Variants in DGKI observed in about 807,000 individuals in gnomAD.
DGKI encodes the protein diacylglycerol kinase iota, also known as DAG kinase iota.
DGKI carries 55 observed loss-of-function variants against 147.5 expected under a neutral mutation model. The observed-to-expected ratio is 0.37, with a 90% confidence interval of 0.30 to 0.47. DGKI has a LOEUF of 0.47. DGKI is among the 20% of genes least tolerant of loss of function. DGKI has a pLI of 1.00. For missense variants in DGKI, 1,007 were observed against 1,323.8 expected, an observed-to-expected ratio of 0.76 and a Z score of 3.71; for synonymous variants, 469 against 477.1, an observed-to-expected ratio of 0.98 and a Z score of 0.22.
Position 137,654,930 on chromosome 7 carries a change from T to G in DGKI, c.682-142A>C, listed in dbSNP as rs532108934. The G allele has an allele frequency of 2.1e-5, 12 of 578,640 alleles. No individual in the cohort carries two copies. In the East Asian group the frequency reaches 3.5e-4, roughly 17 times the overall value. The allele number at this position is 578,640 out of a possible 1,614,324, so 35.8% of individuals were successfully genotyped here. ...GAACAAGGAATAATACTCTTCTTAG[T>G]CTTTTGAAATCATCACATTAGATAA... is the stretch of plus-strand genomic sequence containing the variant. On this transcript the variant is annotated intron_variant, in intron 4 of 32. Transcript: ENST00000614521.
intron 6 of DGKI, among the ~76,000 whole-genome samples, chr7:137,624,253 G>T (rs1166279637): frequency 6.6e-6 from 1 of 150,764 alleles, no homozygotes; most frequent in Non-Finnish European, 1.5e-5. Context: ...CCAGAGAGAA[G>T]TATGTAGTAT....
intron 1 of DGKI, among the ~76,000 whole-genome samples, chr7:137,788,732 C>T (rs138294335): frequency 7.2e-5 from 11 of 151,992 alleles, no homozygotes; most frequent in African/African-American, 2.7e-4. Flanking sequence ...CCAGAAAATG[C>T]CTATCTGGTA....
chr7:137,503,998 T>G lies in DGKI; in HGVS notation c.2249-16309A>C, dbSNP rs115685653. ...AGTCTCTAGAGTCTAAACTAAAGCA[T>G]GTAAATAAAAGAATCAACCAAACCT... On this transcript the variant is annotated intron_variant, in intron 21 of 32. Transcript: ENST00000614521. Among the ~76,000 whole-genome samples the G allele has an allele frequency of 6.4e-3, 976 of 152,190 alleles. 7 individuals are homozygous for G. Among genetic ancestry groups the G allele is most frequent in the African/African-American group, 0.022 (921 of 41,512 alleles).
rs115533979 is a variant in DGKI, at chr7:137,523,361, C to T, written c.2148-1395G>A. Reference sequence around the variant, plus strand: ...TCCATATGGAATCCCACTTTACTCACCCAAAATAGCACATACATATCAAAC... The same window carrying T: ...TCCATATGGAATCCCACTTTACTCATCCAAAATAGCACATACATATCAAAC... On this transcript the variant is annotated intron_variant, in intron 20 of 32. Coordinates refer to ENST00000614521, the MANE Select transcript of DGKI (RefSeq NM_001321708.2). Among the ~76,000 whole-genome samples the T allele has an allele frequency of 3.2e-3, 483 of 152,184 alleles. 3 individuals carry two copies. Among genetic ancestry groups the T allele is most frequent in the African/African-American group, 0.011 (466 of 41,528 alleles).
At chr7:137,617,228 T>C (rs1820566071) in intron 8 of DGKI, among the ~76,000 whole-genome samples, 1 of 151,504 alleles carries the variant, frequency 6.6e-6, no homozygotes, top group African/African-American at 2.4e-5. Flanking sequence ...GAGAAATAAT[T>C]TGGAAACATG....
chr7:137,463,082 C>A (rs34837511), intron 27 of DGKI, among the ~76,000 whole-genome samples: 11,151 of 152,172 alleles, frequency 0.073, 527 homozygotes, highest in African/African-American at 0.13. Context: ...CTGAGGACCA[C>A]TGAAACAGCA....
chr7:137,844,308 G>T (rs1290319031), intron 1 of DGKI, among the ~76,000 whole-genome samples: 1 of 152,196 alleles, frequency 6.6e-6, no homozygotes, highest in African/African-American at 2.4e-5. Context: ...TCTTTCCTCT[G>T]ACTTTGAGAC....
intron 1 of DGKI, among the ~76,000 whole-genome samples, chr7:137,698,537 G>T (rs1823871771): frequency 6.6e-6 from 1 of 152,132 alleles, no homozygotes; most frequent in African/African-American, 2.4e-5. Flanking sequence ...CCCCTGGGGA[G>T]AGTATAACCA....
chr7:137,434,858 A>T (rs1813222183), intron 28 of DGKI, among the ~76,000 whole-genome samples: 1 of 152,234 alleles, frequency 6.6e-6, no homozygotes. Flanking sequence ...TTTAATCAGC[A>T]GTGAATTATC....
chr7:137,508,942 A>T (rs1260361577), intron 21 of DGKI, among the ~76,000 whole-genome samples: 1 of 152,182 alleles, frequency 6.6e-6, no homozygotes, highest in Non-Finnish European at 1.5e-5. Flanking sequence ...TGTTACTCAT[A>T]GCATTCACAT....
At chr7:137,822,407 C>T (rs538997582) in intron 1 of DGKI, among the ~76,000 whole-genome samples, 1 of 151,330 alleles carries the variant, frequency 6.6e-6, no homozygotes, top group South Asian at 2.1e-4. Flanking sequence ...ACTCTGTCTC[C>T]AAAATAATAA....
At chr7:137,456,956 A>T (rs1814228873) in intron 27 of DGKI, among the ~76,000 whole-genome samples, 1 of 152,226 alleles carries the variant, frequency 6.6e-6, no homozygotes, top group East Asian at 1.9e-4. Context: ...TCTAAAAATA[A>T]CAAAGGCAAA....
At position 137,846,442 on chromosome 7, in the gene DGKI, TGCCG is replaced by T. The variant is rs1798734203; in HGVS notation, c.401+16_401+19del. On this transcript the variant is annotated intron_variant, in intron 1 of 32. Transcript: ENST00000614521. The surrounding 1 kb of genome is among the most constrained non-coding windows in gnomAD (Gnocchi z 4.0). ...CCCGCCGCGGCGCACCTGTCTCGGCTGCCGGCTCCCCGCACCTACCTGTACGAGA... is the reference window on the plus strand; with the variant it reads ...CCCGCCGCGGCGCACCTGTCTCGGCTGCTCCCCGCACCTACCTGTACGAGA... 1.3e-6 allele frequency: 2 copies of T among 1,560,728 alleles called. No homozygotes were observed. Among genetic ancestry groups the T allele is most frequent in the African/African-American group, 2.8e-5 (2 of 72,488 alleles).
chr7:137,506,730 AT>A (rs1816382006), intron 21 of DGKI, among the ~76,000 whole-genome samples: 1 of 152,158 alleles, frequency 6.6e-6, no homozygotes, highest in African/African-American at 2.4e-5. Flanking sequence ...GATATATGGA[AT>A]TCTCTGTACT....
intron 1 of DGKI, among the ~76,000 whole-genome samples, chr7:137,720,791 A>T (rs556076863): frequency 6.6e-6 from 1 of 152,282 alleles, no homozygotes; most frequent in African/African-American, 2.4e-5. Context: ...TCACTGCATT[A>T]TCAAGTCTCC....
chr7:137,466,138 G>T, intron 25 of DGKI, 103 bp from the exon 26 acceptor site: 1 of 1,385,158 alleles, frequency 7.2e-7, no homozygotes, highest in Non-Finnish European at 1.0e-6. Flanking sequence ...ATCACACTGT[G>T]TTGTCAGAAG....
chr7:137,673,009 C>T (rs887121205), intron 3 of DGKI, among the ~76,000 whole-genome samples: 1 of 151,794 alleles, frequency 6.6e-6, no homozygotes, highest in African/African-American at 2.4e-5. Flanking sequence ...CTTGAACTCC[C>T]GACCTCAGGT....
At chr7:137,696,232 A>C (rs994694216) in intron 1 of DGKI, among the ~76,000 whole-genome samples, 5 of 152,142 alleles carry the variant, frequency 3.3e-5, no homozygotes, top group African/African-American at 1.2e-4. Flanking sequence ...TTCCTCTTCT[A>C]GTCAGTAAAT....
intron 28 of DGKI, among the ~76,000 whole-genome samples, chr7:137,425,119 C>A (rs1216484008): frequency 6.6e-6 from 1 of 151,634 alleles, no homozygotes; most frequent in African/African-American, 2.4e-5. Flanking sequence ...GACCCCTGAC[C>A]CCTGAGCAGC....
Sources: gnomAD v4.1 joint callset for allele counts (sites outside exome capture counted in the v4.1 genomes callset) on GRCh38, gnomAD v4.1.1 for gene constraint, Gnocchi (gnomAD v3.1) non-coding constraint, MANE v1.5 for transcripts, NCBI Gene and HGNC (gene_info 2026-07-23, HGNC 2026-07-21) for gene names.